The following UNC5C variants were observed in gnomAD, a reference collection of about 807,000 sequenced individuals.
UNC5C encodes the protein unc-5 netrin receptor C.
In UNC5C, 47 loss-of-function variants were observed where a neutral mutation model predicts 99.8. That is an observed-to-expected ratio of 0.47 (90% CI 0.37 to 0.60). The LOEUF (loss-of-function observed/expected upper bound fraction) is 0.60, where lower values mean the gene tolerates loss of function less well. Among genes scored for constraint, UNC5C ranks in the 20% least tolerant of loss-of-function variants. The probability of loss-of-function intolerance (pLI) is 0.00; values close to 1 mark genes in which losing one functional copy is unlikely to be tolerated. For missense variants in UNC5C, 1,062 were observed against 1,165.9 expected (o/e 0.91, Z 1.30); for synonymous variants, 487 against 452.2 (o/e 1.08, Z -0.98).
intron 2 of UNC5C, among the ~76,000 whole-genome samples, chr4:95,333,799 G>C (rs112175741): frequency 6.6e-6 from 1 of 152,098 alleles, no homozygotes; most frequent in Admixed American, 6.6e-5. Flanking sequence ...AGATAAGCCT[G>C]AATATGTTGT....
At chr4:95,296,251 G>C (rs1198865738) in intron 3 of UNC5C, among the ~76,000 whole-genome samples, 2 of 152,134 alleles carry the variant, frequency 1.3e-5, no homozygotes, top group African/African-American at 4.8e-5. Context: ...CAAGTTAGGT[G>C]GGGTTCCTTC....
chr4:95,461,492 G>T (rs1747598158), intron 1 of UNC5C, among the ~76,000 whole-genome samples: 1 of 97,374 alleles, frequency 1.0e-5, no homozygotes, highest in African/African-American at 5.1e-5. Context: ...ATCCAAACAA[G>T]AGAATCAAGT....
chr4:95,189,802 C>G (rs985676642), intron 12 of UNC5C, among the ~76,000 whole-genome samples: 4 of 152,190 alleles, frequency 2.6e-5, no homozygotes, highest in African/African-American at 9.7e-5. Flanking sequence ...TATCATCTCA[C>G]ACCAGTTAGA....
At chr4:95,345,541 G>A (rs1743740516) in intron 1 of UNC5C, among the ~76,000 whole-genome samples, 2 of 151,936 alleles carry the variant, frequency 1.3e-5, no homozygotes, top group South Asian at 4.1e-4. Context: ...TCACTCAGCA[G>A]TTACAGAATG....
chr4:95,446,087 GC>G (rs748639754), intron 1 of UNC5C, among the ~76,000 whole-genome samples: 4 of 152,130 alleles, frequency 2.6e-5, no homozygotes, highest in Non-Finnish European at 5.9e-5. Flanking sequence ...TCAAGAGAGT[GC>G]CTAAAGAGAC....
At chr4:95,440,399 C>A (rs1380484201) in intron 1 of UNC5C, among the ~76,000 whole-genome samples, 1 of 151,994 alleles carries the variant, frequency 6.6e-6, no homozygotes, top group African/African-American at 2.4e-5. Flanking sequence ...ACAAAACAGA[C>A]CAATTTTTTC....
chr4:95,462,023 A>C (rs750509748), intron 1 of UNC5C, among the ~76,000 whole-genome samples: 70 of 152,038 alleles, frequency 4.6e-4, no homozygotes, highest in South Asian at 6.2e-4. Flanking sequence ...TTCCTCAATC[A>C]AGTTGATAGA....
At chr4:95,234,000 T>C (rs1739006528) in intron 7 of UNC5C, among the ~76,000 whole-genome samples, 1 of 152,116 alleles carries the variant, frequency 6.6e-6, no homozygotes, top group Admixed American at 6.6e-5. Flanking sequence ...AGTAATACAA[T>C]TGTATTTCAA....
At chr4:95,222,872 T>C (rs966070466) in intron 7 of UNC5C, among the ~76,000 whole-genome samples, 1 of 152,210 alleles carries the variant, frequency 6.6e-6, no homozygotes, top group Admixed American at 6.5e-5. Flanking sequence ...GCCTAGGGAC[T>C]GAACAGTTTG....
intron 1 of UNC5C, among the ~76,000 whole-genome samples, chr4:95,450,192 T>G (rs1190084705): frequency 1.3e-5 from 2 of 152,206 alleles, no homozygotes; most frequent in African/African-American, 4.8e-5. Context: ...TAGCAGGATG[T>G]AAATTGTAAG....
chr4:95,354,481 T>TATATATATATATATATATATATATATATA (rs1274789806), intron 1 of UNC5C, among the ~76,000 whole-genome samples: 21 of 99,680 alleles, frequency 2.1e-4, no homozygotes, highest in African/African-American at 8.8e-4. Flanking sequence ...ATATATATAT[T>TATATATATATATATATATATATATATATA]TTTTTTTTTT....
At chr4:95,307,591 G>C (rs1293137857) in intron 2 of UNC5C, among the ~76,000 whole-genome samples, 1 of 152,084 alleles carries the variant, frequency 6.6e-6, no homozygotes, top group Non-Finnish European at 1.5e-5. Context: ...AAAAATTAAA[G>C]AAAAGAGACT....
chr4:95,243,052 A>G lies in UNC5C; in HGVS notation c.944-459T>C, dbSNP rs143135103. Reference sequence around the variant, plus strand: ...GTACGGTGGAGAAGAAATCTATCCAACCTTCCATTCATTCATCCAGTTGGT... The same window carrying G: ...GTACGGTGGAGAAGAAATCTATCCAGCCTTCCATTCATTCATCCAGTTGGT... On this transcript the variant is annotated intron_variant, in intron 6 of 15. Transcript: ENST00000453304. Among the ~76,000 whole-genome samples the G allele has an allele frequency of 3.4e-3, 524 of 152,128 alleles. 7 individuals are homozygous for G. The highest frequency in any genetic ancestry group is 0.026 in the East Asian group (135 of 5,162).
chr4:95,201,765 G>A (rs778794405), intron 12 of UNC5C, among the ~76,000 whole-genome samples: 104 of 151,738 alleles, frequency 6.9e-4, no homozygotes, highest in Middle Eastern at 3.2e-3. Context: ...CATCATGCCC[G>A]GCTAATTTTT....
At chr4:95,545,768 G>A (rs1001094493) in intron 1 of UNC5C, among the ~76,000 whole-genome samples, 31 of 128,156 alleles carry the variant, frequency 2.4e-4, no homozygotes, top group African/African-American at 9.6e-4. Flanking sequence ...ACACGCGCGC[G>A]CGCGCACACA....
At chr4:95,382,570 A>C (rs77142988) in intron 1 of UNC5C, among the ~76,000 whole-genome samples, 1 of 152,144 alleles carries the variant, frequency 6.6e-6, no homozygotes, top group Non-Finnish European at 1.5e-5. Context: ...GCTTATATTA[A>C]TATATGAGAA....
intron 1 of UNC5C, among the ~76,000 whole-genome samples, chr4:95,452,527 C>A (rs965880838): frequency 1.3e-5 from 2 of 151,960 alleles, no homozygotes; most frequent in Non-Finnish European, 2.9e-5. Context: ...GCAGACACTA[C>A]CATACAAGAT....
At chr4:95,201,614 T>C (rs560423014) in intron 12 of UNC5C, among the ~76,000 whole-genome samples, 99 of 152,124 alleles carry the variant, frequency 6.5e-4, no homozygotes, top group African/African-American at 2.1e-3. Context: ...GTCTTCTTTT[T>C]TTTTTTTCAG....
intron 1 of UNC5C, among the ~76,000 whole-genome samples, chr4:95,393,239 TCCTC>T (rs1207418277): frequency 1.3e-5 from 2 of 152,196 alleles, no homozygotes; most frequent in Non-Finnish European, 2.9e-5. Context: ...TGTCACTTCC[TCCTC>T]CCTAAGATAT....
Sources: allele counts gnomAD v4.1 joint callset (sites outside exome capture counted in the v4.1 genomes callset), GRCh38; gene constraint gnomAD v4.1.1; transcripts MANE v1.5; gene names NCBI Gene and HGNC (gene_info 2026-07-23, HGNC 2026-07-21).